The following ST3GAL1 variants were observed in gnomAD, a reference collection of about 807,000 sequenced individuals.
The protein encoded by ST3GAL1 is ST3 beta-galactoside alpha-2,3-sialyltransferase 1, also known as CMP-N-acetylneuraminate-beta-galactosamide-alpha-2,3-sialyltransferase 1.
A neutral mutation model predicts 34.1 loss-of-function variants in ST3GAL1; 16 were observed. The ratio of observed to expected loss-of-function variants is 0.47; its 90% CI spans 0.32 to 0.71. The LOEUF is 0.71. Ranked by LOEUF, ST3GAL1 falls within the 30% of genes least tolerant of loss-of-function variation. The pLI is 0.04. For synonymous variants in ST3GAL1, 191 were observed against 184.7 expected, an observed-to-expected ratio of 1.03 and a Z score of -0.28; for missense variants, 353 against 447.4, an observed-to-expected ratio of 0.79 and a Z score of 1.90.
At position 133,546,707 on chromosome 8, in the gene ST3GAL1, G is replaced by T. The variant is rs2131076759; in HGVS notation, c.-581-781C>A. 1.3e-5 allele frequency among the ~76,000 whole-genome samples: 2 copies of T among 152,158 alleles called. 1 individual carries two copies. The highest frequency in any genetic ancestry group is 4.8e-5 in the African/African-American group (2 of 41,512). Reference sequence around the variant, plus strand: ...GGCCAGATAGGAAAGGGTTTCTGAAGACTTCATCTGGCAGGGTGCGGTGGC... The same window carrying T: ...GGCCAGATAGGAAAGGGTTTCTGAATACTTCATCTGGCAGGGTGCGGTGGC... On this transcript the variant is annotated intron_variant, in intron 1 of 9. Transcript: ENST00000522652.
At chr8:133,471,926 T>C (rs1054211241) in intron 5 of ST3GAL1, among the ~76,000 whole-genome samples, 16 of 151,954 alleles carry the variant, frequency 1.1e-4, no homozygotes, top group African/African-American at 3.6e-4. Flanking sequence ...CCCTTGAGAA[T>C]GTCCCCTGCG....
intron 3 of ST3GAL1, chr8:133,489,802 C>G (rs571912560): frequency 6.6e-6 from 1 of 152,386 alleles, no homozygotes; most frequent in African/African-American, 2.4e-5. Flanking sequence ...GCTTGACCAC[C>G]GCCCACTCCT....
chr8:133,490,313 A>T (rs1293894088), intron 3 of ST3GAL1, among the ~76,000 whole-genome samples: 1 of 62,156 alleles, frequency 1.6e-5, no homozygotes, highest in East Asian at 2.6e-4. Context: ...CCACTGCCGT[A>T]CCTCACCCAG....
chr8:133,512,178 C>T (rs1024431766), intron 2 of ST3GAL1, among the ~76,000 whole-genome samples: 2 of 152,182 alleles, frequency 1.3e-5, no homozygotes, highest in African/African-American at 2.4e-5. Context: ...AGACCCAGAA[C>T]TTCAAAAGGA....
chr8:133,559,452 T>C (rs1346237944), intron 1 of ST3GAL1, among the ~76,000 whole-genome samples: 1 of 152,224 alleles, frequency 6.6e-6, no homozygotes, highest in Non-Finnish European at 1.5e-5. Flanking sequence ...GATGGTACTG[T>C]CTGCCTAATC....
At chr8:133,511,819 C>T (rs1343949009) in intron 2 of ST3GAL1, among the ~76,000 whole-genome samples, 4 of 152,166 alleles carry the variant, frequency 2.6e-5, no homozygotes, top group East Asian at 1.9e-4. Flanking sequence ...TTTGGGAGGC[C>T]GAGGCGGGCA....
chr8:133,461,194 G>C lies in ST3GAL1; in HGVS notation c.849+681C>G, dbSNP rs192893625. Among the ~76,000 whole-genome samples, 736 of 152,248 alleles carry C rather than the reference G, an allele frequency of 4.8e-3. 9 individuals are homozygous for C. Among genetic ancestry groups the C allele is most frequent in the South Asian group, 0.024 (117 of 4,826 alleles). On this transcript the variant is annotated intron_variant, in intron 9 of 9. Transcript: ENST00000522652. The surrounding 1 kb of genome is among the most constrained non-coding windows in gnomAD (Gnocchi z 4.7). ...TTTCTGAGATTCCCACCAGGCACCA[G>C]GCAGGGTGGGGCTGGGGCTGGGCTG...
intron 2 of ST3GAL1, among the ~76,000 whole-genome samples, chr8:133,533,883 A>G (rs192118738): frequency 2.6e-5 from 4 of 152,364 alleles, no homozygotes; most frequent in Admixed American, 2.6e-4. Context: ...TGATGATGAC[A>G]TACGTTAATA....
chr8:133,554,616 A>G (rs1818952853), intron 1 of ST3GAL1, among the ~76,000 whole-genome samples: 1 of 152,120 alleles, frequency 6.6e-6, no homozygotes, highest in Non-Finnish European at 1.5e-5. Flanking sequence ...TCCTCTTCAC[A>G]TCTGCTACTG....
chr8:133,460,264 G>T (rs1815446980), intron 9 of ST3GAL1, among the ~76,000 whole-genome samples: 1 of 152,190 alleles, frequency 6.6e-6, no homozygotes, highest in Non-Finnish European at 1.5e-5. Context: ...CAGAGGGAAG[G>T]AATAGGAAGG....
At chr8:133,568,522 C>T (rs931871021) in intron 1 of ST3GAL1, among the ~76,000 whole-genome samples, 3 of 152,208 alleles carry the variant, frequency 2.0e-5, no homozygotes, top group African/African-American at 7.2e-5. Flanking sequence ...TGCACACAGG[C>T]ATGCAGAACT....
At chr8:133,555,382 G>A (rs562777538) in intron 1 of ST3GAL1, among the ~76,000 whole-genome samples, 55 of 152,194 alleles carry the variant, frequency 3.6e-4, no homozygotes, top group African/African-American at 1.1e-3. Flanking sequence ...TCCATGTGTC[G>A]TTTCTCAGCA....
At chr8:133,514,317 G>T (rs897093853) in intron 2 of ST3GAL1, among the ~76,000 whole-genome samples, 1 of 152,088 alleles carries the variant, frequency 6.6e-6, no homozygotes, top group African/African-American at 2.4e-5. Flanking sequence ...ACAGGCATTG[G>T]GTACTATTCA....
rs1815420197 is a variant in ST3GAL1, at chr8:133,459,599, G to A, written c.*165C>T. The stretch of plus-strand genomic sequence containing the variant: ...CACGCTGGCAGAGCTTAGTGACCTT[G>A]CTGAGTAGATGCTGCCAACGGCTGG... On this transcript the variant is annotated 3_prime_UTR_variant, in exon 10 of 10. Coordinates refer to ENST00000522652, the MANE Select transcript of ST3GAL1 (RefSeq NM_173344.3). This position sits in a 1 kb window ranked among gnomAD's most constrained non-coding sequence, Gnocchi z 4.7. 2 of 779,184 alleles carry A rather than the reference G, an allele frequency of 2.6e-6. No homozygotes were observed. Among genetic ancestry groups the A allele is most frequent in the Non-Finnish European group, 3.9e-6 (2 of 519,332 alleles). 48.3% of individuals were successfully genotyped at this position (779,184 alleles called of 1,614,324 possible). A position where few individuals can be genotyped will look rare whatever the true frequency, so the allele number is the denominator to read the frequency against.
At chr8:133,500,688 C>T (rs1817122229) in intron 2 of ST3GAL1, among the ~76,000 whole-genome samples, 3 of 152,238 alleles carry the variant, frequency 2.0e-5, no homozygotes, top group East Asian at 1.9e-4. Context: ...TAGTCCCCAC[C>T]TCCTAGGGTT....
At chr8:133,484,870 G>C (rs1369956662) in intron 3 of ST3GAL1, among the ~76,000 whole-genome samples, 2 of 152,134 alleles carry the variant, frequency 1.3e-5, no homozygotes, top group Non-Finnish European at 2.9e-5. Flanking sequence ...CCTTCTCTTT[G>C]CTGATGTCCT....
Position 133,465,951 on chromosome 8 carries a change from C to A in ST3GAL1, c.446G>T (p.Gly149Val). ...CRRCAVVGNS[G>V]NLRESSYGPE... ...CCCATAAGAAGACTCCCTCAGGTTG[C>A]CCGAGTTGCCCACAACGGCGCAGCG... The change falls in exon 6 of 10, where the codon GGC becomes GTC. Residue 149 changes from glycine to valine, a missense_variant. Transcript: ENST00000522652. 6.2e-7 allele frequency: 1 copy of A among 1,614,208 alleles called. No homozygotes were observed. The highest frequency in any genetic ancestry group is 8.5e-7 in the Non-Finnish European group (1 of 1,180,020).
In ST3GAL1 at chr8:133,522,810, C is replaced by T. The variant is rs191222925; in HGVS notation, c.-429+22964G>A. Among the ~76,000 whole-genome samples the T allele has an allele frequency of 1.4e-4, 22 of 152,324 alleles. No individual in the cohort carries two copies. In the East Asian group the frequency reaches 3.9e-3, roughly 27 times the overall value. On this transcript the variant is annotated intron_variant, in intron 2 of 9. Transcript: ENST00000522652. The stretch of plus-strand genomic sequence containing the variant: ...AATTACTGTCGTTATTTTGCCACCA[C>T]TATCCTCCCTGGAGTACAATCCTTC...
intron 2 of ST3GAL1, among the ~76,000 whole-genome samples, chr8:133,514,528 C>T (rs1322299438): frequency 1.3e-5 from 2 of 152,126 alleles, no homozygotes; most frequent in African/African-American, 4.8e-5. Context: ...ATCTTACAGC[C>T]GCCAGTCCTT....
Sources: gnomAD v4.1 joint callset for allele counts (sites outside exome capture counted in the v4.1 genomes callset) on GRCh38, gnomAD v4.1.1 for gene constraint, Gnocchi (gnomAD v3.1) non-coding constraint, MANE v1.5 for transcripts, NCBI Gene and HGNC (gene_info 2026-07-23, HGNC 2026-07-21) for gene names.